The following CNOT6 variants were observed in gnomAD, a reference collection of about 807,000 sequenced individuals.
CNOT6 encodes the protein carbon catabolite repression 4 protein.
Under a neutral mutation model 61.2 loss-of-function variants are expected in CNOT6, and 12 were observed. The observed-to-expected ratio is 0.20, with a 90% CI of 0.13 to 0.32. The LOEUF (loss-of-function observed/expected upper bound fraction) is 0.32, where lower values mean the gene tolerates loss of function less well. Ranked by LOEUF, CNOT6 falls within the 10% of genes least tolerant of loss-of-function variation. The probability of loss-of-function intolerance (pLI) is 1.00; values close to 1 mark genes in which losing one functional copy is unlikely to be tolerated. For missense variants in CNOT6, 405 were observed against 663.9 expected, an observed-to-expected ratio of 0.61 and a Z score of 4.28; for synonymous variants, 225 against 240.6, an observed-to-expected ratio of 0.94 and a Z score of 0.60.
intron 2 of CNOT6, among the ~76,000 whole-genome samples, chr5:180,539,298 A>ACAAAC (rs56065779): frequency 4.0e-5 from 6 of 151,136 alleles, no homozygotes; most frequent in Admixed American, 2.0e-4. Context: ...AAACAAACAA[A>ACAAAC]AAAAAACTGC....
intron 2 of CNOT6, among the ~76,000 whole-genome samples, chr5:180,538,034 C>CTTTTTTT (rs57646217): frequency 1.3e-5 from 1 of 74,364 alleles, no homozygotes; most frequent in African/African-American, 4.7e-5. Flanking sequence ...GGAACATCAT[C>CTTTTTTT]TTTTTTTTTT....
chr5:180,575,410 C>G lies in CNOT6; in HGVS notation c.*1210C>G, dbSNP rs1020664343. 6.6e-6 allele frequency: 1 copy of G among 151,886 alleles called. No individual in the cohort carries two copies. Among genetic ancestry groups the G allele is most frequent in the African/African-American group, 2.4e-5 (1 of 41,338 alleles). 9.4% of individuals were successfully genotyped at this position (151,886 alleles called of 1,614,324 possible). A position where few individuals can be genotyped will look rare whatever the true frequency, so the allele number is the denominator to read the frequency against. On this transcript the variant is annotated 3_prime_UTR_variant, in exon 12 of 12. Transcript: ENST00000261951. ...TGCTTGTCACCCAGAATACTACTATCATGTGAATTCTTTTTGTCGTCAGTG... is the reference window on the plus strand; with the variant it reads ...TGCTTGTCACCCAGAATACTACTATGATGTGAATTCTTTTTGTCGTCAGTG...
intron 3 of CNOT6, 78 bp downstream of exon 3, chr5:180,550,195 C>T: frequency 8.8e-7 from 1 of 1,141,974 alleles, no homozygotes; most frequent in Admixed American, 1.9e-5. Flanking sequence ...TGGCTTATGC[C>T]TGTAATTCTA....
At chr5:180,555,593 G>A (rs901293573) in intron 4 of CNOT6, among the ~76,000 whole-genome samples, 1 of 152,096 alleles carries the variant, frequency 6.6e-6, no homozygotes, top group Admixed American at 6.5e-5. Flanking sequence ...TTTTTTCTGA[G>A]CTTTTGCAGT....
intron 1 of CNOT6, among the ~76,000 whole-genome samples, chr5:180,527,687 G>A (rs56231520): frequency 0.019 from 2,882 of 152,240 alleles, 38 homozygotes; most frequent in Non-Finnish European, 0.027. Context: ...GTCTTATTGG[G>A]AAGCACGTAA....
At chr5:180,524,198 G>A (rs149689776) in intron 1 of CNOT6, among the ~76,000 whole-genome samples, 2 of 152,232 alleles carry the variant, frequency 1.3e-5, no homozygotes, top group East Asian at 1.9e-4. Flanking sequence ...ATTCTTGAAA[G>A]TTTTCAGGTG....
At chr5:180,565,256 C>T (rs929875882) in intron 6 of CNOT6, among the ~76,000 whole-genome samples, 6 of 152,166 alleles carry the variant, frequency 3.9e-5, no homozygotes, top group South Asian at 4.1e-4. Context: ...TTGACACTAC[C>T]GAGTTATAAG....
intron 2 of CNOT6, among the ~76,000 whole-genome samples, chr5:180,549,611 T>C (rs1053687958): frequency 2.6e-5 from 4 of 151,842 alleles, no homozygotes; most frequent in East Asian, 2.0e-4. Flanking sequence ...ATCACGCCAC[T>C]GCACTCCAGC....
intron 2 of CNOT6, among the ~76,000 whole-genome samples, chr5:180,541,102 G>A (rs1404611724): frequency 6.6e-6 from 1 of 151,206 alleles, no homozygotes; most frequent in Non-Finnish European, 1.5e-5. Context: ...CATATGTTTC[G>A]GTACTTTATT....
chr5:180,571,489 A>T, intron 11 of CNOT6, 57 bp downstream of exon 11: 1 of 1,209,820 alleles, frequency 8.3e-7, no homozygotes, highest in Non-Finnish European at 1.2e-6. Flanking sequence ...AGGTGTTCTG[A>T]TACATCATTA....
intron 9 of CNOT6, among the ~76,000 whole-genome samples, 162 bp downstream of exon 9, chr5:180,568,165 C>T (rs1760557051): frequency 6.6e-6 from 1 of 151,206 alleles, no homozygotes; most frequent in South Asian, 2.1e-4. Flanking sequence ...TTCTCTACCA[C>T]AAAGCTTAAC....
At chr5:180,549,482 T>C (rs761602726) in intron 2 of CNOT6, among the ~76,000 whole-genome samples, 1 of 152,016 alleles carries the variant, frequency 6.6e-6, no homozygotes, top group African/African-American at 2.4e-5. Context: ...ACCCCGTCTC[T>C]ACTAAAAATA....
intron 1 of CNOT6, among the ~76,000 whole-genome samples, chr5:180,507,241 T>A (rs1233174259): frequency 6.6e-6 from 1 of 152,190 alleles, no homozygotes; most frequent in East Asian, 1.9e-4. Context: ...CAAGTCAAAC[T>A]CAACTTACTT....
chr5:180,560,697 G>A (rs1035743393), intron 4 of CNOT6, among the ~76,000 whole-genome samples: 3 of 152,148 alleles, frequency 2.0e-5, no homozygotes, highest in Non-Finnish European at 4.4e-5. Context: ...GTGTCTTGCT[G>A]TGGATTCCTT....
chr5:180,500,950 T>C (rs1245145424), intron 1 of CNOT6, among the ~76,000 whole-genome samples: 1 of 151,954 alleles, frequency 6.6e-6, no homozygotes, highest in Non-Finnish European at 1.5e-5. Context: ...ATTTGTTAGG[T>C]TGAGTAGGAC....
At chr5:180,561,765 C>T (rs968439295) in intron 4 of CNOT6, among the ~76,000 whole-genome samples, 6 of 152,182 alleles carry the variant, frequency 3.9e-5, no homozygotes, top group Admixed American at 6.5e-5. Flanking sequence ...GCTCTTCACG[C>T]GGCCTCCACA....
rs138396082 is a variant in CNOT6, at chr5:180,514,284, T to G, written c.-2-14991T>G. ...TAAAAATACAAAAATCAGCCACATG[T>G]GTTGGGGGGCGCCTGTAATCCCATC... On this transcript the variant is annotated intron_variant, in intron 1 of 11. Coordinates refer to ENST00000261951, the MANE Select transcript of CNOT6 (RefSeq NM_001370472.1). Among the ~76,000 whole-genome samples the G allele has an allele frequency of 1.3e-4, 20 of 152,084 alleles. No homozygotes were observed. The East Asian group carries it at 3.5e-3, about 27-fold the overall frequency.
intron 10 of CNOT6, among the ~76,000 whole-genome samples, chr5:180,571,009 G>A (rs1760721891): frequency 6.6e-6 from 1 of 152,158 alleles, no homozygotes; most frequent in African/African-American, 2.4e-5. Flanking sequence ...ATTAAAGAAC[G>A]ATAATTGGGA....
At chr5:180,564,645 T>C in intron 5 of CNOT6, 30 bp from the exon 6 acceptor site, 1 of 1,608,372 alleles carries the variant, frequency 6.2e-7, no homozygotes, top group South Asian at 1.1e-5. Context: ...GTAAGAATAT[T>C]GCTTAATTCT....
Sources: gnomAD v4.1 joint callset for allele counts (sites outside exome capture counted in the v4.1 genomes callset) on GRCh38, gnomAD v4.1.1 for gene constraint, MANE v1.5 for transcripts, NCBI Gene and HGNC (gene_info 2026-07-23, HGNC 2026-07-21) for gene names.